The following AGBL1 variants were observed in gnomAD, a reference collection of about 807,000 sequenced individuals.
AGBL1 encodes cytosolic carboxypeptidase 4.
AGBL1 carries 130 observed loss-of-function variants against 118.9 expected under a neutral mutation model. The ratio of observed to expected loss-of-function variants is 1.09; its 90% CI spans 0.95 to 1.26. AGBL1 has a LOEUF of 1.26. Among genes scored for constraint, AGBL1 ranks in the 50% most tolerant of loss-of-function variants. The probability of loss-of-function intolerance (pLI) is 0.00; values close to 1 mark genes in which losing one functional copy is unlikely to be tolerated. For synonymous variants in AGBL1, 555 were observed against 478.9 expected (o/e 1.16, Z -2.08); for missense variants, 1,584 against 1,298.1 (o/e 1.22, Z -3.38).
chr15:86,556,184 C>T (rs780839971), intron 21 of AGBL1: 34 of 1,545,824 alleles, frequency 2.2e-5, no homozygotes, highest in Middle Eastern at 3.4e-4. Flanking sequence ...AATGAAATGA[C>T]TCATAGGTTC....
At chr15:86,724,235 C>CAAAAAAAAAAAAAAAAAAAA (rs1204898095) in intron 22 of AGBL1, among the ~76,000 whole-genome samples, 1 of 73,860 alleles carries the variant, frequency 1.4e-5, no homozygotes, top group Non-Finnish European at 2.4e-5. Flanking sequence ...GACTCCATCT[C>CAAAAAAAAAAAAAAAAAAAA]AAAAAAAAAA....
chr15:86,181,379 A>G (rs1414377834), intron 5 of AGBL1, among the ~76,000 whole-genome samples: 1 of 152,130 alleles, frequency 6.6e-6, no homozygotes, highest in African/African-American at 2.4e-5. Flanking sequence ...ATAAATCTCA[A>G]AATAATTATG....
intron 22 of AGBL1, among the ~76,000 whole-genome samples, chr15:86,699,144 T>G (rs1596381165): frequency 6.6e-6 from 1 of 152,090 alleles, no homozygotes; most frequent in South Asian, 2.1e-4. Flanking sequence ...TTAAATAATT[T>G]CAACCTCACA....
intron 18 of AGBL1, among the ~76,000 whole-genome samples, chr15:86,405,412 A>T (rs1262958068): frequency 6.6e-6 from 1 of 152,108 alleles, no homozygotes; most frequent in Non-Finnish European, 1.5e-5. Flanking sequence ...GCTACTTGGG[A>T]GGGTGAGACA....
At chr15:86,700,185 T>TTA (rs910799279) in intron 22 of AGBL1, among the ~76,000 whole-genome samples, 45 of 152,216 alleles carry the variant, frequency 3.0e-4, no homozygotes, top group Admixed American at 1.4e-3. Flanking sequence ...CTTCAGTGAC[T>TTA]TATACTTCAT....
chr15:86,560,602 A>C (rs1266120211), intron 21 of AGBL1, among the ~76,000 whole-genome samples: 1 of 152,182 alleles, frequency 6.6e-6, no homozygotes, highest in African/African-American at 2.4e-5. Flanking sequence ...ATAAACACAC[A>C]TGTGCATCTG....
intron 22 of AGBL1, among the ~76,000 whole-genome samples, chr15:86,730,035 T>G (rs2077507035): frequency 6.6e-6 from 1 of 152,214 alleles, no homozygotes; most frequent in Non-Finnish European, 1.5e-5. Context: ...TGTTGAACAT[T>G]TTTTCATGTA....
chr15:86,422,503 CT>C (rs779294246), intron 18 of AGBL1, among the ~76,000 whole-genome samples: 1 of 152,080 alleles, frequency 6.6e-6, no homozygotes, highest in Non-Finnish European at 1.5e-5. Context: ...TGGGAAAGAT[CT>C]AAAATCGACA....
intron 22 of AGBL1, among the ~76,000 whole-genome samples, chr15:86,901,278 A>G (rs4470115): frequency 0.15 from 22,684 of 152,078 alleles, 2,107 homozygotes; most frequent in African/African-American, 0.26. Flanking sequence ...AAAGAATTCC[A>G]TCATAAGTTT....
chr15:86,561,530 A>AG (rs1487181649), intron 21 of AGBL1, among the ~76,000 whole-genome samples: 2 of 152,194 alleles, frequency 1.3e-5, no homozygotes, highest in Non-Finnish European at 2.9e-5. Context: ...TTTTGGTACC[A>AG]GTACCATGCT....
intron 1 of AGBL1, among the ~76,000 whole-genome samples, chr15:86,113,287 CTTTTTTT>C (rs548790563): frequency 3.1e-5 from 3 of 97,364 alleles, no homozygotes; most frequent in South Asian, 3.2e-4. Context: ...TTCTTTCTTT[CTTTTTTT>C]TTTTTTTTTT....
chr15:86,603,797 C>A (rs997063636), intron 21 of AGBL1, among the ~76,000 whole-genome samples: 1 of 152,112 alleles, frequency 6.6e-6, no homozygotes, highest in Non-Finnish European at 1.5e-5. Flanking sequence ...CCCAGAGGGC[C>A]CTGTGGACAT....
intron 22 of AGBL1, among the ~76,000 whole-genome samples, chr15:86,895,076 CCTTT>C (rs375088972): frequency 6.6e-6 from 1 of 151,052 alleles, no homozygotes; most frequent in Non-Finnish European, 1.5e-5. Context: ...TCCCTCCTTC[CCTTT>C]CTTTTATCTT....
At chr15:86,345,936 T>A (rs1365343680) in intron 17 of AGBL1, among the ~76,000 whole-genome samples, 1 of 152,168 alleles carries the variant, frequency 6.6e-6, no homozygotes, top group Non-Finnish European at 1.5e-5. Context: ...GCTGCTATAA[T>A]TTCTTTCATC....
At chr15:86,890,580 G>C (rs950766498) in intron 22 of AGBL1, among the ~76,000 whole-genome samples, 1 of 152,146 alleles carries the variant, frequency 6.6e-6, no homozygotes, top group Non-Finnish European at 1.5e-5. Context: ...GTATAAGGAA[G>C]AGGTCCAGTT....
At chr15:86,184,433 C>CTT (rs71144032) in intron 5 of AGBL1, among the ~76,000 whole-genome samples, 15 of 136,194 alleles carry the variant, frequency 1.1e-4, no homozygotes, top group Admixed American at 1.5e-4. Flanking sequence ...TTTTTTCTTT[C>CTT]TTTTTTTTTT....
rs149134383 is a variant in AGBL1 at position 86,550,705 on chromosome 15, C to A, written c.2818-3656C>A. On this transcript the variant is annotated intron_variant, in intron 20 of 22. Transcript: ENST00000614907. Reference sequence around the variant, plus strand: ...CTTCTCTCAGTATGTGATAGAATAACCAAAAAGAAAATTAGTATGGAGAAC... The same window carrying A: ...CTTCTCTCAGTATGTGATAGAATAAACAAAAAGAAAATTAGTATGGAGAAC... Among the ~76,000 whole-genome samples, 183 of 151,972 alleles carry A rather than the reference C, an allele frequency of 1.2e-3. 1 individual carries two copies. The highest frequency in any genetic ancestry group is 4.2e-3 in the African/African-American group (175 of 41,508).
At chr15:86,313,599 A>C (rs1476260453) in intron 17 of AGBL1, among the ~76,000 whole-genome samples, 2 of 152,228 alleles carry the variant, frequency 1.3e-5, no homozygotes, top group African/African-American at 4.8e-5. Flanking sequence ...TGATTAAATC[A>C]ATATGTATCC....
chr15:86,142,211 T>C, intron 2 of AGBL1, 144 bp downstream of exon 2: 2 of 779,986 alleles, frequency 2.6e-6, no homozygotes, highest in Non-Finnish European at 4.1e-6. Context: ...ATCTTTTTTC[T>C]CTAAGGTTAA....
Sources: allele counts gnomAD v4.1 joint callset (sites outside exome capture counted in the v4.1 genomes callset), GRCh38; gene constraint gnomAD v4.1.1; transcripts MANE v1.5; gene names NCBI Gene and HGNC (gene_info 2026-07-23, HGNC 2026-07-21).